GNAL: variants seen among roughly 807,000 people sequenced by gnomAD.
GNAL encodes guanine nucleotide-binding protein G(olf) subunit alpha.
In GNAL, 18 loss-of-function variants were observed where a neutral mutation model predicts 55.1. The ratio of observed to expected loss-of-function variants is 0.33; its 90% CI spans 0.23 to 0.48. GNAL has a LOEUF of 0.48. Among genes scored for constraint, GNAL ranks in the 20% least tolerant of loss-of-function variants. The pLI, the probability that GNAL is intolerant of heterozygous loss-of-function variation, is 0.99. For missense variants in GNAL, 412 were observed against 614.1 expected (o/e 0.67, Z 3.48); for synonymous variants, 253 against 237.0 (o/e 1.07, Z -0.62).
chr18:11,690,017 C>CGGCGGCGGGCACCGGGG (rs2031189733), intron 1 of GNAL, 78 bp downstream of exon 1: 1 of 852,746 alleles, frequency 1.2e-6, no homozygotes, highest in Non-Finnish European at 1.5e-6. Flanking sequence ...CACCGGGGAG[C>CGGCGGCGGGCACCGGGG]GGTGGCGGGC....
intron 5 of GNAL, among the ~76,000 whole-genome samples, chr18:11,856,683 T>C (rs1598432323): frequency 6.6e-6 from 1 of 152,192 alleles, no homozygotes; most frequent in East Asian, 1.9e-4. Flanking sequence ...CCCAGCACTT[T>C]GGGAGGCCGA....
chr18:11,877,942 G>T (rs1048303853), intron 11 of GNAL, among the ~76,000 whole-genome samples: 3 of 152,182 alleles, frequency 2.0e-5, no homozygotes, highest in African/African-American at 7.2e-5. Flanking sequence ...TCTGGGACAT[G>T]CTATGTTAAA....
At chr18:11,875,132 G>A (rs1268212678) in intron 10 of GNAL, among the ~76,000 whole-genome samples, 2 of 152,178 alleles carry the variant, frequency 1.3e-5, no homozygotes, top group African/African-American at 4.8e-5. Context: ...GTGGGGAGCA[G>A]GAACAGGGAA....
chr18:11,755,378 A>G (rs2033017137), intron 4 of GNAL, among the ~76,000 whole-genome samples: 1 of 152,138 alleles, frequency 6.6e-6, no homozygotes, highest in Non-Finnish European at 1.5e-5. Context: ...GGTTCACGCC[A>G]TTCTCCTGCC....
Position 11,689,801 on chromosome 18 carries a change from C to A in GNAL, c.238C>A (p.Gln80Lys). ...KPKEKRQRTE[Q>K]LSAEEREAAK... The stretch of plus-strand genomic sequence containing the variant: ...GAAGGAGAAGCGGCAGCGCACCGAG[C>A]AGCTGAGTGCCGAGGAGCGCGAGGC... The change falls in exon 1 of 12, where the codon CAG becomes AAG. Residue 80 changes from glutamine (Q) to lysine (K), a missense_variant. Transcript: ENST00000334049. 1 of 1,538,054 alleles carries A rather than the reference C, an allele frequency of 6.5e-7. No individual in the cohort carries two copies. The highest frequency in any genetic ancestry group is 1.7e-4 in the Middle Eastern group (1 of 5,944).
intron 4 of GNAL, among the ~76,000 whole-genome samples, chr18:11,795,260 G>T (rs886846908): frequency 2.0e-5 from 3 of 151,990 alleles, no homozygotes; most frequent in Non-Finnish European, 4.4e-5. Flanking sequence ...AATTAACCAG[G>T]CATGATAGCA....
At chr18:11,878,728 C>T (rs999853340) in intron 11 of GNAL, among the ~76,000 whole-genome samples, 1 of 151,996 alleles carries the variant, frequency 6.6e-6, no homozygotes, top group Non-Finnish European at 1.5e-5. Flanking sequence ...CACCACCGCA[C>T]CCGGCTAATT....
rs139016714 is a variant in GNAL, at chr18:11,870,905, G to A, written c.1032-1363G>A. The stretch of plus-strand genomic sequence containing the variant: ...AGACTGTTAATAGGAAAGAAACAGG[G>A]TCAGGAAATACCAGGTATACAGAAG... On this transcript the variant is annotated intron_variant, in intron 9 of 11. Coordinates refer to ENST00000334049, the MANE Select transcript of GNAL (RefSeq NM_182978.4). Among the ~76,000 whole-genome samples, 9 of 152,250 alleles carry A rather than the reference G, an allele frequency of 5.9e-5. No individual in the cohort carries two copies. In the East Asian group the frequency reaches 1.7e-3, roughly 29 times the overall value.
intron 1 of GNAL, among the ~76,000 whole-genome samples, chr18:11,734,875 C>A (rs2032426378): frequency 1.3e-5 from 2 of 148,776 alleles, no homozygotes; most frequent in East Asian, 2.0e-4. Flanking sequence ...AGACCAGCGT[C>A]CCCTATCTGA....
intron 4 of GNAL, among the ~76,000 whole-genome samples, chr18:11,769,204 T>C (rs1431975569): frequency 7.0e-6 from 1 of 142,804 alleles, no homozygotes; most frequent in South Asian, 2.1e-4. Flanking sequence ...TTATATATAA[T>C]ATATATAATG....
At chr18:11,736,697 G>A (rs957552017) in intron 1 of GNAL, among the ~76,000 whole-genome samples, 1 of 152,216 alleles carries the variant, frequency 6.6e-6, no homozygotes, top group African/African-American at 2.4e-5. Flanking sequence ...CCCCAGTTGT[G>A]TTAGAAGAGA....
At chr18:11,743,950 G>A (rs1174946577) in intron 1 of GNAL, among the ~76,000 whole-genome samples, 1 of 151,184 alleles carries the variant, frequency 6.6e-6, no homozygotes, top group Admixed American at 6.5e-5. Flanking sequence ...TTTTTGAATT[G>A]TAAGACCTTG....
chr18:11,705,817 A>G lies in GNAL; in HGVS notation c.376+15878A>G, dbSNP rs140033167. On this transcript the variant is annotated intron_variant, in intron 1 of 11. Coordinates refer to ENST00000334049, the MANE Select transcript of GNAL (RefSeq NM_182978.4). ...GTCACCCAGGCTGGATTGCAGTGGC[A>G]CGATTTCGGCTCACTGCAACCTTCG... Among the ~76,000 whole-genome samples, 893 of 139,978 alleles carry G rather than the reference A, an allele frequency of 6.4e-3. 5 individuals carry two copies. Among genetic ancestry groups the G allele is most frequent in the African/African-American group, 0.023 (835 of 36,950 alleles). The allele number at this position is 139,978 out of a possible 152,430, so 91.8% of individuals were successfully genotyped here.
At chr18:11,859,879 G>A (rs2036092406) in intron 5 of GNAL, among the ~76,000 whole-genome samples, 1 of 152,022 alleles carries the variant, frequency 6.6e-6, no homozygotes, top group African/African-American at 2.4e-5. Context: ...CCAAGTAGCT[G>A]GGATTACAGG....
intron 1 of GNAL, among the ~76,000 whole-genome samples, chr18:11,750,437 C>T (rs1012794315): frequency 1.3e-5 from 2 of 151,890 alleles, no homozygotes; most frequent in Admixed American, 6.6e-5. Context: ...AGGATGCAGT[C>T]AGCCCGTCAG....
intron 1 of GNAL, among the ~76,000 whole-genome samples, chr18:11,699,381 A>G (rs1012141281): frequency 6.7e-6 from 1 of 149,432 alleles, no homozygotes; most frequent in Non-Finnish European, 1.5e-5. Flanking sequence ...TTTTTTTTTT[A>G]TTTTTGTATT....
intron 4 of GNAL, among the ~76,000 whole-genome samples, chr18:11,788,909 A>AT (rs1568027568): frequency 0.02 from 1,985 of 100,110 alleles, 24 homozygotes; most frequent in East Asian, 0.038. Flanking sequence ...AAAAAAAAAA[A>AT]AAAAAATATA....
At chr18:11,754,719 A>G (rs1394897161) in intron 4 of GNAL, among the ~76,000 whole-genome samples, 1 of 152,204 alleles carries the variant, frequency 6.6e-6, no homozygotes, top group Non-Finnish European at 1.5e-5. Context: ...TGCATTGTAT[A>G]AAAAATGATA....
At chr18:11,843,138 A>G (rs1598421984) in intron 5 of GNAL, among the ~76,000 whole-genome samples, 1 of 151,672 alleles carries the variant, frequency 6.6e-6, no homozygotes, top group African/African-American at 2.4e-5. Flanking sequence ...TTGAGGCTAC[A>G]TTGGACTATG....
Sources: allele counts gnomAD v4.1 joint callset (sites outside exome capture counted in the v4.1 genomes callset), GRCh38; gene constraint gnomAD v4.1.1; transcripts MANE v1.5; gene names NCBI Gene and HGNC (gene_info 2026-07-23, HGNC 2026-07-21).